SETD1B: variants seen among roughly 807,000 people sequenced by gnomAD.
SETD1B encodes histone-lysine N-methyltransferase SETD1B.
SETD1B carries 7 observed loss-of-function variants against 148.0 expected under a neutral mutation model. The ratio of observed to expected loss-of-function variants is 0.05; its 90% CI spans 0.03 to 0.09. The LOEUF is 0.09. SETD1B is among the 10% of genes least tolerant of loss of function. The pLI is 1.00. For synonymous variants in SETD1B, 1,361 were observed against 1,186.5 expected, an observed-to-expected ratio of 1.15 and a Z score of -3.02; for missense variants, 2,155 against 2,729.9, an observed-to-expected ratio of 0.79 and a Z score of 4.69.
At chr12:121,806,473 G>A (rs1875746685) in intron 4 of SETD1B, among the ~76,000 whole-genome samples, 1 of 152,150 alleles carries the variant, frequency 6.6e-6, no homozygotes, top group South Asian at 2.1e-4. Flanking sequence ...ACTTGTGGGG[G>A]ACTGAGGAAG....
chr12:121,822,240 CGTA>C (rs1876595303), intron 11 of SETD1B, among the ~76,000 whole-genome samples: 2 of 152,204 alleles, frequency 1.3e-5, no homozygotes, highest in East Asian at 3.9e-4. Context: ...GTTCTGAAGA[CGTA>C]GTATGAAAGG....
In SETD1B at chr12:121,810,384, C is replaced by G. The variant is rs767927618; in HGVS notation, c.1439C>G (p.Pro480Arg). The G allele has an allele frequency of 6.5e-7, 1 of 1,548,544 alleles. No homozygotes were observed. Among genetic ancestry groups the G allele is most frequent in the Non-Finnish European group, 8.7e-7 (1 of 1,146,896 alleles). ...TGGAGTCCTGAGCCCTGTGACAGCC[C>G]TGGCACGCCCACGCTGGAGTCGTCC... is the stretch of plus-strand genomic sequence containing the variant. ...FGWSPEPCDSPGTPTLESSPA... is the reference protein window; with the variant it reads ...FGWSPEPCDSRGTPTLESSPA... Residue 480 changes from proline (P) to arginine (R), a missense_variant, in exon 6 of 17, where the codon CCT becomes CGT. By Grantham distance (103) the Pro-to-Arg change is moderately radical (BLOSUM62 -2). Transcript: ENST00000604567. The surrounding 1 kb of genome is among the most constrained non-coding windows in gnomAD (Gnocchi z 7.6).
intron 4 of SETD1B, among the ~76,000 whole-genome samples, chr12:121,806,419 GT>G (rs1371423359): frequency 6.6e-6 from 1 of 152,168 alleles, no homozygotes; most frequent in African/African-American, 2.4e-5. Flanking sequence ...GGTTTAGACA[GT>G]CCCCAGTGTT....
intron 13 of SETD1B, 133 bp downstream of exon 13, chr12:121,825,499 G>GTTT: frequency 1.4e-6 from 1 of 737,038 alleles, no homozygotes. Flanking sequence ...GGGTGCAAGT[G>GTTT]GAAGGGGAGA....
Position 121,804,691 on chromosome 12 carries a change from C to A in SETD1B, c.-14-33C>A. 1 of 1,534,304 alleles carries A rather than the reference C, an allele frequency of 6.5e-7. No homozygotes were observed. Among genetic ancestry groups the A allele is most frequent in the South Asian group, 1.2e-5 (1 of 82,790 alleles). ...GTAGAAGCGGCCGCCGCCGCCGCCGCGGCGGAGACGACAACAACTTGCTGG... is the reference window on the plus strand; with the variant it reads ...GTAGAAGCGGCCGCCGCCGCCGCCGAGGCGGAGACGACAACAACTTGCTGG... On this transcript the variant is annotated intron_variant, in intron 1 of 16. Coordinates refer to ENST00000604567, the MANE Select transcript of SETD1B (RefSeq NM_001353345.2). This position sits in a 1 kb window ranked among gnomAD's most constrained non-coding sequence, Gnocchi z 4.6.
chr12:121,825,854 C>T (rs1268623069), intron 13 of SETD1B, among the ~76,000 whole-genome samples: 4 of 152,012 alleles, frequency 2.6e-5, no homozygotes, highest in East Asian at 1.9e-4. Context: ...CCATGTTGGC[C>T]AGGTTGGTCT....
intron 10 of SETD1B, 122 bp downstream of exon 10, chr12:121,818,026 T>TGTGTGTGTTTTAACAAGG: frequency 1.0e-6 from 1 of 958,258 alleles, no homozygotes; most frequent in Non-Finnish European, 1.5e-6. Flanking sequence ...CGTTACCTTG[T>TGTGTGTGTTTTAACAAGG]TAAAACACAC....
At chr12:121,816,899 T>G in intron 7 of SETD1B, 134 bp from the exon 8 acceptor site, 1 of 749,830 alleles carries the variant, frequency 1.3e-6, no homozygotes, top group Non-Finnish European at 2.1e-6. Context: ...TGTGGCCAGG[T>G]GTGTAGGGAA....
At chr12:121,793,226 G>C in the SETD1B span, 7 of 1,550,980 alleles carry the variant, frequency 4.5e-6, no homozygotes, top group Admixed American at 9.8e-5. Flanking sequence ...CTCGAACACC[G>C]ATGGGGCGTA....
At chr12:121,806,694 A>G (rs888620806) in intron 4 of SETD1B, among the ~76,000 whole-genome samples, 1 of 152,156 alleles carries the variant, frequency 6.6e-6, no homozygotes. Context: ...AGAGCCAGGC[A>G]GGCGGCTCTG....
chr12:121,798,840 G>A, the SETD1B span, among the ~76,000 whole-genome samples: 1 of 152,220 alleles, frequency 6.6e-6, no homozygotes, highest in Non-Finnish European at 1.5e-5. Flanking sequence ...CTCCAGCTGT[G>A]GAGCTTCTTA....
chr12:121,791,812 G>A, the SETD1B span, among the ~76,000 whole-genome samples: 4 of 152,360 alleles, frequency 2.6e-5, no homozygotes, highest in South Asian at 2.1e-4. Flanking sequence ...CTCTTGCAGG[G>A]CAGTGGGTTG....
chr12:121,800,430 C>G (rs1176440794), upstream of SETD1B: 5 of 152,128 alleles, frequency 3.3e-5, no homozygotes, highest in African/African-American at 7.2e-5. Context: ...GCGCCCAGAG[C>G]TGGGTGGGCA....
the SETD1B span, among the ~76,000 whole-genome samples, chr12:121,792,827 G>T: frequency 6.6e-6 from 1 of 152,258 alleles, no homozygotes; most frequent in African/African-American, 2.4e-5. Context: ...ACAGCAGGTA[G>T]CGCAGCAATC....
Position 121,805,146 on chromosome 12 carries a change from T to G in SETD1B, c.203T>G (p.Val68Gly), listed in dbSNP as rs1307525979. Residue 68 changes from valine to glycine, a missense_variant, in exon 3 of 17, where the codon GTC becomes GGC. Coordinates refer to ENST00000604567, the MANE Select transcript of SETD1B (RefSeq NM_001353345.2). This position sits in a 1 kb window ranked among gnomAD's most constrained non-coding sequence, Gnocchi z 4.2. ...TCCAGCAACCGCCCGGTGGAAATTGTCGAAGATCCCCGGGTCGTCGGGATC... is the reference window on the plus strand; with the variant it reads ...TCCAGCAACCGCCCGGTGGAAATTGGCGAAGATCCCCGGGTCGTCGGGATC... ...AMSSNRPVEI[V>G]EDPRVVGIWT... is the part of the protein sequence containing the mutation. 1 of 1,551,602 alleles carries G rather than the reference T, an allele frequency of 6.4e-7. No individual in the cohort carries two copies. The highest frequency in any genetic ancestry group is 2.0e-5 in the Admixed American group (1 of 51,004).
chr12:121,830,263 T>C lies in SETD1B; in HGVS notation c.*24T>C, dbSNP rs1877031116. 1 of 1,545,216 alleles carries C rather than the reference T, an allele frequency of 6.5e-7. No individual in the cohort carries two copies. On this transcript the variant is annotated 3_prime_UTR_variant, in exon 17 of 17. Transcript: ENST00000604567. This position sits in a 1 kb window ranked among gnomAD's most constrained non-coding sequence, Gnocchi z 5.7. ...AGGCCCCGGCACCAGACTCAAAGGA[T>C]GTCAGCCGTAGCCCTGGGACTCCCG...
At chr12:121,815,042 C>T (rs1309412652) in intron 7 of SETD1B, 112 bp downstream of exon 7, 4 of 1,003,116 alleles carry the variant, frequency 4.0e-6, no homozygotes, top group East Asian at 5.3e-5. Context: ...CCGTGGACCC[C>T]ACTATGGGAG....
At position 121,830,546 on chromosome 12, in the gene SETD1B, C is replaced by G; in HGVS notation, c.*307C>G. The G allele has an allele frequency of 3.5e-6, 1 of 284,242 alleles. No homozygotes were observed. Among genetic ancestry groups the G allele is most frequent in the Non-Finnish European group, 6.6e-6 (1 of 151,886 alleles). 17.6% of individuals were successfully genotyped at this position (284,242 alleles called of 1,614,324 possible). A position where few individuals can be genotyped will look rare whatever the true frequency, so the allele number is the denominator to read the frequency against. On this transcript the variant is annotated 3_prime_UTR_variant, in exon 17 of 17. Transcript: ENST00000604567. This position sits in a 1 kb window ranked among gnomAD's most constrained non-coding sequence, Gnocchi z 5.7. ...CCGTCTCTCCTCCCCTCTCTCTCTT[C>G]TCTGTCTCTTCTCTCTCCCACCATC...
At chr12:121,813,194 C>T (rs892117458) in intron 6 of SETD1B, among the ~76,000 whole-genome samples, 34 of 152,350 alleles carry the variant, frequency 2.2e-4, no homozygotes, top group African/African-American at 7.7e-4. Context: ...GAGCAGAGCC[C>T]CCCGCCCTGT....
Sources: gnomAD v4.1 joint callset for allele counts (sites outside exome capture counted in the v4.1 genomes callset) on GRCh38, gnomAD v4.1.1 for gene constraint, Gnocchi (gnomAD v3.1) non-coding constraint, MANE v1.5 for transcripts, NCBI Gene and HGNC (gene_info 2026-07-23, HGNC 2026-07-21) for gene names.